UBE3D: variants seen among roughly 807,000 people sequenced by gnomAD.
The protein encoded by UBE3D is E3 ubiquitin-protein ligase E3D.
Under a neutral mutation model 49.6 loss-of-function variants are expected in UBE3D, and 48 were observed. The observed-to-expected ratio is 0.97, with a 90% CI of 0.77 to 1.23. UBE3D has a LOEUF of 1.23. UBE3D is among the 50% of genes most tolerant of loss of function. The probability of loss-of-function intolerance (pLI) is 0.00; values close to 1 mark genes in which losing one functional copy is unlikely to be tolerated. For missense variants in UBE3D, 452 were observed against 468.4 expected, an observed-to-expected ratio of 0.96 and a Z score of 0.32; for synonymous variants, 189 against 174.2, an observed-to-expected ratio of 1.08 and a Z score of -0.67.
At chr6:82,911,214 A>AAC (rs1394089015) in intron 9 of UBE3D, among the ~76,000 whole-genome samples, 3 of 148,432 alleles carry the variant, frequency 2.0e-5, no homozygotes, top group African/African-American at 7.5e-5. Flanking sequence ...AAAAAAAAAA[A>AAC]AAAAAAAAAC....
intron 2 of UBE3D, among the ~76,000 whole-genome samples, chr6:83,055,867 T>C (rs1383371222): frequency 1.3e-5 from 2 of 152,214 alleles, no homozygotes; most frequent in East Asian, 1.9e-4. Flanking sequence ...TGATTCAAGT[T>C]CACACCAGTA....
chr6:83,027,434 C>CAAAAAAAAA lies in UBE3D; in HGVS notation c.668-3405_668-3397dup, dbSNP rs61225462. ...CTGGCGACAGAGCGAGACTCCGTCTCAAAAAAAAAAAAAAAAAAAAAAAAA... is the reference window on the plus strand; with the variant it reads ...CTGGCGACAGAGCGAGACTCCGTCTCAAAAAAAAAAAAAAAAAAAAAAAAAAAAAAAAAA... On this transcript the variant is annotated intron_variant, in intron 5 of 9. Coordinates refer to ENST00000369747, the MANE Select transcript of UBE3D (RefSeq NM_198920.3). 8.7e-3 allele frequency among the ~76,000 whole-genome samples: 301 copies of CAAAAAAAAA among 34,614 alleles called. 30 individuals are homozygous for CAAAAAAAAA. Among genetic ancestry groups the CAAAAAAAAA allele is most frequent in the African/African-American group, 0.017 (153 of 9,146 alleles). The allele number at this position is 34,614 out of a possible 152,430, so 22.7% of individuals were successfully genotyped here. A position where few individuals can be genotyped will look rare whatever the true frequency, so the allele number is the denominator to read the frequency against.
chr6:82,976,666 G>A (rs1036475919), intron 8 of UBE3D, among the ~76,000 whole-genome samples: 1 of 151,950 alleles, frequency 6.6e-6, no homozygotes, highest in South Asian at 2.1e-4. Context: ...GTACTTCCCC[G>A]CTTAGAAACA....
chr6:82,990,200 TA>T (rs1778788721), intron 8 of UBE3D, among the ~76,000 whole-genome samples: 2 of 152,220 alleles, frequency 1.3e-5, no homozygotes, highest in Admixed American at 6.5e-5. Flanking sequence ...GAAAGGAAAA[TA>T]AAATCTCAGG....
At chr6:82,932,015 T>C (rs893741707) in intron 9 of UBE3D, among the ~76,000 whole-genome samples, 2 of 152,140 alleles carry the variant, frequency 1.3e-5, no homozygotes, top group African/African-American at 2.4e-5. Context: ...TCTCATGAGA[T>C]AAAATGGTTT....
At chr6:82,908,171 G>C (rs1030969373) in intron 9 of UBE3D, among the ~76,000 whole-genome samples, 5 of 152,098 alleles carry the variant, frequency 3.3e-5, no homozygotes, top group African/African-American at 7.2e-5. Flanking sequence ...TAGAGACAAT[G>C]GTTTTCAAAG....
At chr6:83,032,504 C>G (rs1214788719) in intron 5 of UBE3D, among the ~76,000 whole-genome samples, 2 of 152,176 alleles carry the variant, frequency 1.3e-5, no homozygotes, top group Non-Finnish European at 2.9e-5. Flanking sequence ...ATTTTAAAGT[C>G]TCATAGGTGG....
At chr6:82,911,657 T>C (rs990268702) in intron 9 of UBE3D, among the ~76,000 whole-genome samples, 21 of 152,188 alleles carry the variant, frequency 1.4e-4, no homozygotes, top group Admixed American at 2.6e-4. Flanking sequence ...ATCAGCTCTT[T>C]CAACAATGAT....
intron 9 of UBE3D, among the ~76,000 whole-genome samples, chr6:82,942,995 AG>A (rs1337961350): frequency 5.9e-5 from 9 of 152,186 alleles, no homozygotes; most frequent in Admixed American, 3.3e-4. Flanking sequence ...AGCAGCCAGG[AG>A]GGGGGCTGTA....
chr6:82,949,947 G>A (rs1290021808), intron 9 of UBE3D, among the ~76,000 whole-genome samples: 1 of 152,160 alleles, frequency 6.6e-6, no homozygotes, highest in African/African-American at 2.4e-5. Flanking sequence ...CTAGGACATT[G>A]AATTGGGCAA....
At chr6:82,962,646 T>C (rs1776637886) in intron 8 of UBE3D, among the ~76,000 whole-genome samples, 2 of 152,226 alleles carry the variant, frequency 1.3e-5, no homozygotes, top group Admixed American at 1.3e-4. Context: ...TTCTGTGATT[T>C]AACAATTTTT....
chr6:82,936,489 T>C (rs1318220131), intron 9 of UBE3D, among the ~76,000 whole-genome samples: 2 of 152,014 alleles, frequency 1.3e-5, no homozygotes, highest in Non-Finnish European at 2.9e-5. Context: ...TATGGACACA[T>C]ACAGGTTTTG....
At chr6:82,935,315 T>C (rs1647544947) in intron 9 of UBE3D, among the ~76,000 whole-genome samples, 1 of 152,064 alleles carries the variant, frequency 6.6e-6, no homozygotes, top group African/African-American at 2.4e-5. Context: ...ACCAAGGAGC[T>C]AGCCCATGCC....
chr6:82,922,940 C>T (rs1773457155), intron 9 of UBE3D, among the ~76,000 whole-genome samples: 1 of 152,102 alleles, frequency 6.6e-6, no homozygotes, highest in South Asian at 2.1e-4. Flanking sequence ...TTTATGCAGC[C>T]AACAGACATA....
intron 9 of UBE3D, among the ~76,000 whole-genome samples, chr6:82,899,077 A>T (rs1173701672): frequency 6.6e-6 from 1 of 152,126 alleles, no homozygotes; most frequent in Non-Finnish European, 1.5e-5. Context: ...TTTTTGCATT[A>T]TGAAAGCAAG....
intron 1 of UBE3D, 80 bp downstream of exon 1, chr6:83,065,562 C>T (rs1435811727): frequency 7.4e-6 from 10 of 1,354,582 alleles, no homozygotes; most frequent in Admixed American, 3.8e-5. Context: ...ATCCCTCGTA[C>T]AGAGAGAGAC....
At chr6:82,961,931 C>T (rs1295960366) in intron 8 of UBE3D, among the ~76,000 whole-genome samples, 1 of 150,108 alleles carries the variant, frequency 6.7e-6, no homozygotes, top group Non-Finnish European at 1.5e-5. Flanking sequence ...CATTGCTCTC[C>T]AGCCTGGGCA....
At chr6:83,000,515 T>C (rs1234081502) in intron 8 of UBE3D, among the ~76,000 whole-genome samples, 1 of 152,206 alleles carries the variant, frequency 6.6e-6, no homozygotes, top group African/African-American at 2.4e-5. Flanking sequence ...AATAGCTTCC[T>C]ATCTGATCTA....
At chr6:83,065,420 C>A (rs1219912684) in intron 1 of UBE3D, among the ~76,000 whole-genome samples, 1 of 152,094 alleles carries the variant, frequency 6.6e-6, no homozygotes, top group African/African-American at 2.4e-5. Context: ...AGCTGAGACC[C>A]TGAATTTCTA....
Sources: allele counts gnomAD v4.1 joint callset (sites outside exome capture counted in the v4.1 genomes callset), GRCh38; gene constraint gnomAD v4.1.1; transcripts MANE v1.5; gene names NCBI Gene and HGNC (gene_info 2026-07-23, HGNC 2026-07-21).